Variants in GRIK2 observed in about 807,000 individuals in gnomAD.
The protein encoded by GRIK2 is glutamate ionotropic receptor kainate type subunit 2, also known as glutamate receptor ionotropic, kainate 2.
Under a neutral mutation model 100.3 loss-of-function variants are expected in GRIK2, and 32 were observed. The ratio of observed to expected loss-of-function variants is 0.32; its 90% CI spans 0.24 to 0.43. GRIK2 has a LOEUF of 0.43. Ranked by LOEUF, GRIK2 falls within the 20% of genes least tolerant of loss-of-function variation. The probability of loss-of-function intolerance (pLI) is 1.00; values close to 1 mark genes in which losing one functional copy is unlikely to be tolerated. For missense variants in GRIK2, 843 were observed against 1,114.9 expected (o/e 0.76, Z 3.47); for synonymous variants, 417 against 389.4 (o/e 1.07, Z -0.83).
chr6:101,811,529 ATTTAAC>A (rs763930846), intron 9 of GRIK2, among the ~76,000 whole-genome samples: 9 of 152,024 alleles, frequency 5.9e-5, no homozygotes. Context: ...TTTAAAATAA[ATTTAAC>A]TTTATTTGGA....
At chr6:101,469,240 A>C (rs993831700) in intron 2 of GRIK2, among the ~76,000 whole-genome samples, 5 of 152,168 alleles carry the variant, frequency 3.3e-5, no homozygotes, top group Non-Finnish European at 7.4e-5. Flanking sequence ...CTATTTTCAC[A>C]CGTAAGATAC....
chr6:101,532,249 A>G (rs1200294489), intron 2 of GRIK2, among the ~76,000 whole-genome samples: 1 of 151,886 alleles, frequency 6.6e-6, no homozygotes, highest in Non-Finnish European at 1.5e-5. Flanking sequence ...TCTTTCTTCT[A>G]TTCTGAAGAA....
rs1582356402 is a variant in GRIK2, at chr6:101,841,500, A to T, written c.1318-17787A>T. 4.6e-5 allele frequency among the ~76,000 whole-genome samples: 7 copies of T among 151,970 alleles called. 2 individuals are homozygous for T. Among genetic ancestry groups the T allele is most frequent in the Admixed American group, 4.6e-4 (7 of 15,246 alleles). On this transcript the variant is annotated intron_variant, in intron 10 of 16. Coordinates refer to ENST00000369134, the MANE Select transcript of GRIK2 (RefSeq NM_021956.5). The stretch of plus-strand genomic sequence containing the variant: ...TGCCTCAGCCTCCCGAGTAGCTGGG[A>T]TTACAGGCACCCACCACCATGCCCG...
chr6:101,534,019 G>A (rs768061980), intron 2 of GRIK2, among the ~76,000 whole-genome samples: 1 of 151,800 alleles, frequency 6.6e-6, no homozygotes, highest in Non-Finnish European at 1.5e-5. Context: ...ATACAGATTT[G>A]AGAAGCAATA....
intron 2 of GRIK2, among the ~76,000 whole-genome samples, chr6:101,576,171 G>A (rs1436950852): frequency 6.6e-6 from 1 of 151,932 alleles, no homozygotes; most frequent in Non-Finnish European, 1.5e-5. Flanking sequence ...TTTTCTACAG[G>A]ATGCTCAGCT....
intron 2 of GRIK2, among the ~76,000 whole-genome samples, chr6:101,566,488 TAAA>T (rs576281439): frequency 2.0e-5 from 3 of 147,952 alleles, no homozygotes; most frequent in Admixed American, 6.6e-5. Context: ...TCTAAATATT[TAAA>T]AAAGAGTCTT....
intron 4 of GRIK2, among the ~76,000 whole-genome samples, chr6:101,664,228 A>G (rs1769845665): frequency 6.6e-6 from 1 of 152,142 alleles, no homozygotes; most frequent in South Asian, 2.1e-4. Context: ...TATCTGCCCC[A>G]TCTCATTATA....
chr6:101,508,670 G>T (rs1179874503), intron 2 of GRIK2, among the ~76,000 whole-genome samples: 1 of 152,120 alleles, frequency 6.6e-6, no homozygotes, highest in African/African-American at 2.4e-5. Flanking sequence ...CTTATGCAGA[G>T]ATCCTTGGCC....
intron 2 of GRIK2, among the ~76,000 whole-genome samples, chr6:101,597,942 A>G (rs983079456): frequency 3.3e-5 from 5 of 151,580 alleles, no homozygotes; most frequent in African/African-American, 9.7e-5. Flanking sequence ...TCTCATCTCA[A>G]TCTGGTCGGG....
At chr6:101,634,029 A>C (rs1314740841) in intron 4 of GRIK2, among the ~76,000 whole-genome samples, 1 of 152,104 alleles carries the variant, frequency 6.6e-6, no homozygotes, top group Non-Finnish European at 1.5e-5. Flanking sequence ...ATTTTAAGCA[A>C]GATAATGGCA....
chr6:101,852,499 G>A (rs768542147), intron 10 of GRIK2, among the ~76,000 whole-genome samples: 6 of 152,054 alleles, frequency 3.9e-5, no homozygotes, highest in Non-Finnish European at 8.8e-5. Flanking sequence ...AGAACAATTC[G>A]TTTCTATTCA....
chr6:101,860,287 C>G (rs1784661046), intron 11 of GRIK2, among the ~76,000 whole-genome samples: 1 of 152,076 alleles, frequency 6.6e-6, no homozygotes, highest in African/African-American at 2.4e-5. Flanking sequence ...GGTTGGGAAG[C>G]ATAGTCTCTG....
At chr6:101,963,451 C>T (rs564023012) in intron 14 of GRIK2, among the ~76,000 whole-genome samples, 1 of 148,380 alleles carries the variant, frequency 6.7e-6, no homozygotes, top group East Asian at 2.0e-4. Flanking sequence ...GCGCCTGCCA[C>T]AGCACCTGGC....
intron 2 of GRIK2, among the ~76,000 whole-genome samples, chr6:101,595,872 C>T (rs1778904554): frequency 6.6e-6 from 1 of 150,902 alleles, no homozygotes. Flanking sequence ...TGACTTTCTT[C>T]TATACCAGTG....
chr6:101,428,656 A>T (rs1436926244), intron 2 of GRIK2, among the ~76,000 whole-genome samples: 1 of 152,050 alleles, frequency 6.6e-6, no homozygotes, highest in Admixed American at 6.5e-5. Context: ...CAAAGAACCA[A>T]GTTTGAATGA....
chr6:101,719,102 A>C (rs1196271239), intron 7 of GRIK2, among the ~76,000 whole-genome samples: 1 of 143,392 alleles, frequency 7.0e-6, no homozygotes, highest in Admixed American at 7.0e-5. Context: ...GAAGCCATTT[A>C]AATGTATTTT....
chr6:101,557,249 A>G (rs1402430938), intron 2 of GRIK2, among the ~76,000 whole-genome samples: 4 of 152,184 alleles, frequency 2.6e-5, no homozygotes, highest in Admixed American at 6.5e-5. Flanking sequence ...TAGACCATTC[A>G]AGTACCACGA....
chr6:101,931,849 T>C (rs1790307238), intron 14 of GRIK2, among the ~76,000 whole-genome samples: 1 of 152,024 alleles, frequency 6.6e-6, no homozygotes, highest in Admixed American at 6.6e-5. Flanking sequence ...TGGATGACAG[T>C]CCAAGAATTT....
At chr6:101,966,878 T>G (rs1389697659) in intron 14 of GRIK2, among the ~76,000 whole-genome samples, 1 of 152,146 alleles carries the variant, frequency 6.6e-6, no homozygotes, top group East Asian at 1.9e-4. Context: ...TACTCATGTT[T>G]TGTAGACAAT....
Sources: gnomAD v4.1 joint callset for allele counts (sites outside exome capture counted in the v4.1 genomes callset) on GRCh38, gnomAD v4.1.1 for gene constraint, MANE v1.5 for transcripts, NCBI Gene and HGNC (gene_info 2026-07-23, HGNC 2026-07-21) for gene names.